Variants in ZNF248 observed in about 807,000 individuals in gnomAD.
The protein encoded by ZNF248 is KRAB protein domain.
In ZNF248, 20 loss-of-function variants were observed where a neutral mutation model predicts 44.3. That is an observed-to-expected ratio of 0.45 (90% confidence interval 0.32 to 0.66). The LOEUF is 0.66. Among genes scored for constraint, ZNF248 ranks in the 30% least tolerant of loss-of-function variants. ZNF248 has a pLI of 0.04. For missense variants in ZNF248, 654 were observed against 677.0 expected (o/e 0.97, Z 0.38); for synonymous variants, 224 against 229.0 (o/e 0.98, Z 0.20).
downstream of ZNF248, among the ~76,000 whole-genome samples, chr10:37,824,362 C>A (rs1292522706): frequency 6.6e-6 from 1 of 152,154 alleles, no homozygotes; most frequent in Non-Finnish European, 1.5e-5. Flanking sequence ...TACCCCCTCA[C>A]AGATATACCG....
intron 6 of ZNF248, among the ~76,000 whole-genome samples, chr10:37,784,291 T>G (rs1589036484): frequency 6.6e-6 from 1 of 152,238 alleles, no homozygotes; most frequent in East Asian, 1.9e-4. Flanking sequence ...CAAGTCCATC[T>G]TAAAGTCCAG....
chr10:37,812,925 T>C (rs2051762342), intron 6 of ZNF248, among the ~76,000 whole-genome samples: 1 of 151,910 alleles, frequency 6.6e-6, no homozygotes, highest in Admixed American at 6.6e-5. Context: ...AATAAATTCC[T>C]TCTGGAGAAA....
At chr10:37,772,546 T>G (rs2046298570), downstream of ZNF248, among the ~76,000 whole-genome samples, 1 of 152,152 alleles carries the variant, frequency 6.6e-6, no homozygotes, top group African/African-American at 2.4e-5. Context: ...AAAGAATGTA[T>G]TATGTAAATA....
At chr10:37,771,833 T>C (rs1167762347), downstream of ZNF248, among the ~76,000 whole-genome samples, 2 of 152,086 alleles carry the variant, frequency 1.3e-5, no homozygotes, top group Non-Finnish European at 2.9e-5. Context: ...TGACTAATCA[T>C]GTCATTCTTT....
chr10:37,830,955 T>G lies in ZNF248; in HGVS notation c.*660A>C, dbSNP rs2055456300. 1 of 447,170 alleles carries G rather than the reference T, an allele frequency of 2.2e-6. No individual in the cohort carries two copies. Among genetic ancestry groups the G allele is most frequent in the African/African-American group, 2.1e-5 (1 of 47,872 alleles). The allele number at this position is 447,170 out of a possible 1,614,324, so 27.7% of individuals were successfully genotyped here. A position where few individuals can be genotyped will look rare whatever the true frequency, so the allele number is the denominator to read the frequency against. ...CTGGCTCACAAAATTCCTTAAAATT[T>G]AACAATCAGAACTTTTAAGTCAGTA... is the stretch of plus-strand genomic sequence containing the variant. On this transcript the variant is annotated 3_prime_UTR_variant, in exon 6 of 6. Coordinates refer to ENST00000395867, the MANE Select transcript of ZNF248 (RefSeq NM_021045.3).
At chr10:37,760,732 G>A in the ZNF248 span, among the ~76,000 whole-genome samples, 1 of 152,074 alleles carries the variant, frequency 6.6e-6, no homozygotes, top group Non-Finnish European at 1.5e-5. Context: ...TACTCAGGGG[G>A]CCGAGGCAGG....
At chr10:37,769,881 C>T in the ZNF248 span, among the ~76,000 whole-genome samples, 8 of 152,288 alleles carry the variant, frequency 5.3e-5, no homozygotes, top group African/African-American at 1.9e-4. Flanking sequence ...ACCCCATTGT[C>T]TCAGCCCAAA....
At position 37,830,943 on chromosome 10, in the gene ZNF248, T is replaced by C. The variant is rs2055451164; in HGVS notation, c.*672A>G. ...TGCTTTTAATAACTGGCTCACAAAA[T>C]TCCTTAAAATTTAACAATCAGAACT... On this transcript the variant is annotated 3_prime_UTR_variant, in exon 6 of 6. Transcript: ENST00000395867. The C allele has an allele frequency of 2.7e-6, 1 of 375,628 alleles. No homozygotes were observed. Among genetic ancestry groups the C allele is most frequent in the Non-Finnish European group, 3.8e-6 (1 of 262,854 alleles). 23.3% of individuals were successfully genotyped at this position (375,628 alleles called of 1,614,324 possible).
rs2055341354 is a variant in ZNF248, at chr10:37,830,526, C to G, written c.*1089G>C. ...CTTCTTTCTTGAAGACGTGGTTCAG[C>G]TGTAAATGGCCATAGCCATTTATTT... On this transcript the variant is annotated 3_prime_UTR_variant, in exon 6 of 6. Coordinates refer to ENST00000395867, the MANE Select transcript of ZNF248 (RefSeq NM_021045.3). The G allele has an allele frequency of 1.0e-6, 1 of 985,374 alleles. No homozygotes were observed. Among genetic ancestry groups the G allele is most frequent in the South Asian group, 4.7e-5 (1 of 21,284 alleles). The allele number at this position is 985,374 out of a possible 1,614,324, so 61.0% of individuals were successfully genotyped here.
At chr10:37,839,254 T>C (rs1362001599) in intron 3 of ZNF248, among the ~76,000 whole-genome samples, 1 of 152,218 alleles carries the variant, frequency 6.6e-6, no homozygotes, top group East Asian at 1.9e-4. Flanking sequence ...GAGTTAAGTG[T>C]GTTCTGTGAG....
chr10:37,789,400 C>G (rs553131923), intron 6 of ZNF248, among the ~76,000 whole-genome samples: 63 of 152,108 alleles, frequency 4.1e-4, no homozygotes, highest in African/African-American at 1.4e-3. Context: ...AGAGGGCAAA[C>G]ATTTCAGGAA....
At chr10:37,806,421 G>T (rs893713250) in intron 6 of ZNF248, among the ~76,000 whole-genome samples, 4 of 151,534 alleles carry the variant, frequency 2.6e-5, no homozygotes, top group Non-Finnish European at 5.9e-5. Context: ...TCCTTCTTTT[G>T]ATAGTAGCCA....
chr10:37,759,585 C>T, the ZNF248 span, among the ~76,000 whole-genome samples: 2 of 152,176 alleles, frequency 1.3e-5, no homozygotes, highest in Admixed American at 6.5e-5. Flanking sequence ...GTTAGTCACA[C>T]AGATAACTAT....
rs749380660 is a variant in ZNF248, at chr10:37,832,929, T to G, written c.426A>C (p.Ser142=). Reference sequence around the variant, plus strand: ...AAATATTTTTCAAATTCATTTCACATGAGTCACATATTTTATAGGGATAAT... The same window carrying G: ...AAATATTTTTCAAATTCATTTCACAGGAGTCACATATTTTATAGGGATAAT... ...LRNYPYKICD[S]CEMNLKNISG... is the part of the protein sequence containing the mutation. The change falls in exon 6 of 6, where the codon TCA becomes TCC. Residue 142 remains serine, a synonymous_variant. Coordinates refer to ENST00000395867, the MANE Select transcript of ZNF248 (RefSeq NM_021045.3). The G allele has an allele frequency of 2.4e-5, 38 of 1,613,248 alleles. No individual in the cohort carries two copies. The highest frequency in any genetic ancestry group is 3.1e-5 in the Non-Finnish European group (37 of 1,179,688).
chr10:37,811,852 G>A (rs1338709795), intron 6 of ZNF248, among the ~76,000 whole-genome samples: 2 of 151,450 alleles, frequency 1.3e-5, no homozygotes, highest in African/African-American at 4.9e-5. Context: ...GTCAAAAAAA[G>A]TAAACAATAA....
In ZNF248 at chr10:37,793,976, G is replaced by C. The variant is rs79092117; in HGVS notation, c.331-17401C>G. Among the ~76,000 whole-genome samples the C allele has an allele frequency of 2.0e-5, 3 of 152,074 alleles. No homozygotes were observed. In the East Asian group the frequency reaches 5.8e-4, roughly 29 times the overall value. ...AATGTTAATACCAACTGTCCATAAG[G>C]TTTAAATCCTAGACTAATAATTTGA... On this transcript the variant is annotated intron_variant, in intron 6 of 6. Transcript: ENST00000615949.
At chr10:37,783,105 A>G (rs920027721) in intron 6 of ZNF248, among the ~76,000 whole-genome samples, 3 of 152,162 alleles carry the variant, frequency 2.0e-5, no homozygotes, top group Non-Finnish European at 4.4e-5. Flanking sequence ...ATTCCTATCT[A>G]TGTGGCAGAT....
chr10:37,843,182 C>G (rs1186030355), intron 3 of ZNF248, among the ~76,000 whole-genome samples: 1 of 152,104 alleles, frequency 6.6e-6, no homozygotes, highest in Non-Finnish European at 1.5e-5. Flanking sequence ...GTGGCTCATG[C>G]CTGTAATCCC....
In ZNF248 at chr10:37,831,608, C is replaced by G. The variant is rs188377273; in HGVS notation, c.*7G>C. On this transcript the variant is annotated 3_prime_UTR_variant, in exon 6 of 6. Transcript: ENST00000395867. The stretch of plus-strand genomic sequence containing the variant: ...CAATTTCACAAGTGTATGAAGGCTT[C>G]TAACATTCAGGATGTTGAAAGAGCT... 4.5e-3 allele frequency: 7,212 copies of G among 1,610,620 alleles called. 16 individuals are homozygous for G. The highest frequency in any genetic ancestry group is 5.6e-3 in the Non-Finnish European group (6,585 of 1,177,500).
Sources: gnomAD v4.1 joint callset for allele counts (sites outside exome capture counted in the v4.1 genomes callset) on GRCh38, gnomAD v4.1.1 for gene constraint, MANE v1.5 for transcripts, NCBI Gene and HGNC (gene_info 2026-07-23, HGNC 2026-07-21) for gene names.